The following ERBB4 variants were observed in gnomAD, a reference collection of about 807,000 sequenced individuals.
ERBB4 encodes receptor tyrosine-protein kinase erbB-4.
Under a neutral mutation model 158.0 loss-of-function variants are expected in ERBB4, and 42 were observed. The observed-to-expected ratio is 0.27, with a 90% CI of 0.21 to 0.34. ERBB4 has a LOEUF of 0.34. Among genes scored for constraint, ERBB4 ranks in the 10% least tolerant of loss-of-function variants. The pLI, the probability that ERBB4 is intolerant of heterozygous loss-of-function variation, is 1.00. For missense variants in ERBB4, 1,333 were observed against 1,624.1 expected, an observed-to-expected ratio of 0.82 and a Z score of 3.08; for synonymous variants, 583 against 558.7, an observed-to-expected ratio of 1.04 and a Z score of -0.61.
chr2:212,346,035 CTTAT>C (rs2106330268), intron 1 of ERBB4, among the ~76,000 whole-genome samples: 2 of 152,220 alleles, frequency 1.3e-5, no homozygotes, highest in Middle Eastern at 3.4e-3. Flanking sequence ...TACTAGAAAG[CTTAT>C]TTAAGGTGAT....
chr2:212,312,647 T>G (rs1043747755), intron 1 of ERBB4, among the ~76,000 whole-genome samples: 2 of 150,904 alleles, frequency 1.3e-5, no homozygotes, highest in African/African-American at 4.8e-5. Context: ...TCCAAATATA[T>G]TCAGAAAAAA....
At chr2:211,664,327 ATGTG>A (rs113835907) in intron 15 of ERBB4, among the ~76,000 whole-genome samples, 4,028 of 148,762 alleles carry the variant, frequency 0.027, 138 homozygotes, top group African/African-American at 0.084. Context: ...TCAACTACAA[ATGTG>A]TGTGTGTGTG....
At chr2:211,738,759 T>C (rs2074692743) in intron 5 of ERBB4, among the ~76,000 whole-genome samples, 1 of 151,628 alleles carries the variant, frequency 6.6e-6, no homozygotes, top group African/African-American at 2.4e-5. Flanking sequence ...CTCTGCCTCC[T>C]GGGTTCAAGC....
At chr2:211,872,343 C>T (rs1436386380) in intron 3 of ERBB4, among the ~76,000 whole-genome samples, 2 of 152,018 alleles carry the variant, frequency 1.3e-5, no homozygotes, top group Non-Finnish European at 2.9e-5. Context: ...TTGCAGTGAG[C>T]CTGATAATAG....
intron 5 of ERBB4, among the ~76,000 whole-genome samples, chr2:211,742,198 T>C (rs75404170): frequency 0.08 from 12,177 of 152,284 alleles, 650 homozygotes; most frequent in Non-Finnish European, 0.11. Flanking sequence ...CCCACTTGCT[T>C]TTCTCTGCTC....
chr2:211,400,560 G>GGAGC (rs2063016111), intron 25 of ERBB4, among the ~76,000 whole-genome samples: 1 of 151,864 alleles, frequency 6.6e-6, no homozygotes, highest in Non-Finnish European at 1.5e-5. Context: ...CATATCTGTG[G>GGAGC]GAGCTAAAAA....
At chr2:211,818,941 GAC>G (rs1339358574) in intron 3 of ERBB4, among the ~76,000 whole-genome samples, 2 of 151,928 alleles carry the variant, frequency 1.3e-5, no homozygotes, top group Non-Finnish European at 2.9e-5. Context: ...ATAAACAAGT[GAC>G]ACAGTTTTAA....
At chr2:211,887,253 T>TACACACACACACAC (rs112197898) in intron 3 of ERBB4, among the ~76,000 whole-genome samples, 6,846 of 145,242 alleles carry the variant, frequency 0.047, 245 homozygotes, top group Non-Finnish European at 0.071. Flanking sequence ...AACAGAGGAT[T>TACACACACACACAC]ACACACACAC....
intron 25 of ERBB4, among the ~76,000 whole-genome samples, chr2:211,411,966 A>G (rs57506554): frequency 0.041 from 6,310 of 152,302 alleles, 177 homozygotes; most frequent in South Asian, 0.075. Flanking sequence ...CAAAAAATAA[A>G]AAATAAAACT....
chr2:211,754,944 G>C (rs2075254101), intron 4 of ERBB4, among the ~76,000 whole-genome samples: 1 of 152,018 alleles, frequency 6.6e-6, no homozygotes, highest in Non-Finnish European at 1.5e-5. Flanking sequence ...CAGGTGATCT[G>C]CCTGTCTTGG....
chr2:211,711,722 AC>A (rs2073707443), intron 9 of ERBB4, among the ~76,000 whole-genome samples: 1 of 152,178 alleles, frequency 6.6e-6, no homozygotes, highest in African/African-American at 2.4e-5. Flanking sequence ...TCCCACCTCA[AC>A]CAATGATACT....
At chr2:212,455,539 G>T (rs1688246148) in intron 1 of ERBB4, among the ~76,000 whole-genome samples, 1 of 146,366 alleles carries the variant, frequency 6.8e-6, no homozygotes, top group South Asian at 2.2e-4. Flanking sequence ...ATTTTATTTT[G>T]ACACTCTAAA....
At chr2:212,523,641 G>A (rs1365092539) in intron 1 of ERBB4, among the ~76,000 whole-genome samples, 1 of 151,938 alleles carries the variant, frequency 6.6e-6, no homozygotes, top group Non-Finnish European at 1.5e-5. Flanking sequence ...AGATGGGTGG[G>A]AATCCTAGCC....
intron 20 of ERBB4, among the ~76,000 whole-genome samples, chr2:211,560,527 G>GC (rs1242439821): frequency 6.6e-6 from 1 of 151,780 alleles, no homozygotes; most frequent in Non-Finnish European, 1.5e-5. Flanking sequence ...ACCTGCCTCG[G>GC]CCCCCCAAAG....
chr2:211,421,992 G>A lies in ERBB4; in HGVS notation c.2964+15C>T. 1 of 1,544,544 alleles carries A rather than the reference G, an allele frequency of 6.5e-7. No individual in the cohort carries two copies. Among genetic ancestry groups the A allele is most frequent in the Non-Finnish European group, 9.0e-7 (1 of 1,116,906 alleles). ...CATTGGCCTAGTCTTAAAGGCATAA[G>A]TCAAATGTACTCACCTGAATAACTA... On this transcript the variant is annotated intron_variant, in intron 24 of 27. Coordinates refer to ENST00000342788, the MANE Select transcript of ERBB4 (RefSeq NM_005235.3).
At chr2:211,929,597 T>C (rs1288330942) in intron 3 of ERBB4, among the ~76,000 whole-genome samples, 1 of 152,134 alleles carries the variant, frequency 6.6e-6, no homozygotes, top group Non-Finnish European at 1.5e-5. Flanking sequence ...GGATTACTCA[T>C]TTGCCATTCT....
At chr2:211,544,710 G>GT (rs1351647545) in intron 20 of ERBB4, among the ~76,000 whole-genome samples, 1 of 152,000 alleles carries the variant, frequency 6.6e-6, no homozygotes, top group African/African-American at 2.4e-5. Context: ...ACATATAATA[G>GT]TATCAATCTC....
At chr2:211,513,357 C>CAAAAAAAAAAAAAAAAAAAAAAAA (rs61042785) in intron 20 of ERBB4, among the ~76,000 whole-genome samples, 2 of 39,204 alleles carry the variant, frequency 5.1e-5, no homozygotes, top group African/African-American at 1.3e-4. Flanking sequence ...GACTCCGTCT[C>CAAAAAAAAAAAAAAAAAAAAAAAA]AAAAAAAAAA....
chr2:212,335,577 A>G (rs1271197721), intron 1 of ERBB4, among the ~76,000 whole-genome samples: 1 of 152,064 alleles, frequency 6.6e-6, no homozygotes, highest in African/African-American at 2.4e-5. Flanking sequence ...AATAACTGTT[A>G]TAAGGAATGC....
Sources: allele counts gnomAD v4.1 joint callset (sites outside exome capture counted in the v4.1 genomes callset), GRCh38; gene constraint gnomAD v4.1.1; transcripts MANE v1.5; gene names NCBI Gene and HGNC (gene_info 2026-07-23, HGNC 2026-07-21).